ULK4: variants seen among roughly 807,000 people sequenced by gnomAD.
ULK4 encodes unc-51 like kinase 4.
A neutral mutation model predicts 160.6 loss-of-function variants in ULK4; 133 were observed. That is an observed-to-expected ratio of 0.83 (90% CI 0.72 to 0.96). The LOEUF is 0.96. Among genes scored for constraint, ULK4 ranks in the 40% least tolerant of loss-of-function variants. The pLI is 0.00. For synonymous variants in ULK4, 534 were observed against 539.8 expected (o/e 0.99, Z 0.15); for missense variants, 1,580 against 1,499.5 (o/e 1.05, Z -0.89).
At chr3:41,884,099 C>T (rs1697629068) in intron 16 of ULK4, 147 bp from the exon 17 acceptor site, 3 of 655,542 alleles carry the variant, frequency 4.6e-6, no homozygotes, top group South Asian at 3.8e-5. Context: ...CACACTCCCA[C>T]ATGTACACAG....
At position 41,632,092 on chromosome 3, in the gene ULK4, G is replaced by C. The variant is rs116793461; in HGVS notation, c.3072-16375C>G. Among the ~76,000 whole-genome samples, 1,434 of 152,194 alleles carry C rather than the reference G, an allele frequency of 9.4e-3. 21 individuals carry two copies. The highest frequency in any genetic ancestry group is 0.032 in the African/African-American group (1,337 of 41,520). ...GACATGATTCTGTATTCATCCCACAGCTTCCCAGTTTGAAACCACATGTAA... is the reference window on the plus strand; with the variant it reads ...GACATGATTCTGTATTCATCCCACACCTTCCCAGTTTGAAACCACATGTAA... On this transcript the variant is annotated intron_variant, in intron 30 of 36. Transcript: ENST00000301831.
At chr3:41,674,900 T>A (rs566461577) in intron 29 of ULK4, among the ~76,000 whole-genome samples, 230 of 152,280 alleles carry the variant, frequency 1.5e-3, no homozygotes, top group African/African-American at 5.4e-3. Flanking sequence ...AAAAGGTATG[T>A]CCAAGTCATA....
At chr3:41,722,853 C>T (rs1357109244) in intron 22 of ULK4, among the ~76,000 whole-genome samples, 1 of 152,170 alleles carries the variant, frequency 6.6e-6, no homozygotes, top group Non-Finnish European at 1.5e-5. Flanking sequence ...GGGGTGCTTT[C>T]AGCTTTTCTT....
At chr3:41,384,063 T>C (rs1202039645) in intron 35 of ULK4, among the ~76,000 whole-genome samples, 4 of 152,180 alleles carry the variant, frequency 2.6e-5, no homozygotes, top group Admixed American at 1.3e-4. Context: ...GCCTTAGTGA[T>C]TGCAAGGGTA....
intron 12 of ULK4, among the ~76,000 whole-genome samples, chr3:41,903,149 G>A (rs1698432019): frequency 1.3e-5 from 2 of 152,202 alleles, no homozygotes; most frequent in South Asian, 2.1e-4. Flanking sequence ...TAACACTGAG[G>A]AGGAACTGCT....
At chr3:41,249,302 G>A (rs538850591) in intron 36 of ULK4, among the ~76,000 whole-genome samples, 187 bp downstream of exon 36, 1 of 152,280 alleles carries the variant, frequency 6.6e-6, no homozygotes, top group South Asian at 2.1e-4. Context: ...CCATAACTGG[G>A]GATTCCCAGT....
chr3:41,445,712 CAA>C (rs1038698927), intron 34 of ULK4, among the ~76,000 whole-genome samples: 3 of 152,150 alleles, frequency 2.0e-5, no homozygotes, highest in African/African-American at 7.2e-5. Flanking sequence ...ACACCTTACA[CAA>C]AAATTAATTC....
intron 30 of ULK4, among the ~76,000 whole-genome samples, chr3:41,644,282 G>A (rs1452026301): frequency 1.3e-5 from 2 of 151,696 alleles, no homozygotes; most frequent in African/African-American, 2.4e-5. Context: ...GTTTTCAAAG[G>A]GAATGCTTCC....
chr3:41,314,395 T>C (rs906791505), intron 35 of ULK4, among the ~76,000 whole-genome samples: 18 of 152,148 alleles, frequency 1.2e-4, no homozygotes, highest in Admixed American at 2.6e-4. Flanking sequence ...CAATGTCTAT[T>C]ATTCCCCTCT....
At chr3:41,409,391 T>C (rs2082365187) in intron 34 of ULK4, among the ~76,000 whole-genome samples, 1 of 152,154 alleles carries the variant, frequency 6.6e-6, no homozygotes, top group Non-Finnish European at 1.5e-5. Flanking sequence ...AAACTAGACT[T>C]CATCAAAATC....
At chr3:41,390,241 G>A (rs560359058) in intron 35 of ULK4, among the ~76,000 whole-genome samples, 62 of 152,120 alleles carry the variant, frequency 4.1e-4, no homozygotes, top group African/African-American at 1.3e-3. Context: ...TTTTTATTGT[G>A]TCTATTTGAT....
intron 19 of ULK4, among the ~76,000 whole-genome samples, chr3:41,806,364 T>C (rs1455480412): frequency 3.9e-5 from 6 of 152,188 alleles, no homozygotes; most frequent in Admixed American, 2.0e-4. Context: ...GTCTATTTGA[T>C]TCTTCTCTCT....
chr3:41,647,452 G>T (rs1047278681), intron 30 of ULK4, among the ~76,000 whole-genome samples: 3 of 152,184 alleles, frequency 2.0e-5, no homozygotes, highest in African/African-American at 7.2e-5. Flanking sequence ...GTTTGCTAGA[G>T]GTCCACTCCA....
chr3:41,765,350 C>T (rs1257268456), intron 21 of ULK4, among the ~76,000 whole-genome samples: 4 of 152,094 alleles, frequency 2.6e-5, no homozygotes, highest in African/African-American at 7.2e-5. Flanking sequence ...TAGGTGGGAA[C>T]TGAACAATGA....
intron 35 of ULK4, among the ~76,000 whole-genome samples, chr3:41,290,352 T>G (rs1306507550): frequency 6.6e-6 from 1 of 152,198 alleles, no homozygotes; most frequent in Non-Finnish European, 1.5e-5. Context: ...CAGAAAGTAT[T>G]ATTATTACCT....
intron 35 of ULK4, among the ~76,000 whole-genome samples, chr3:41,387,173 G>A (rs2081834046): frequency 6.6e-6 from 1 of 152,050 alleles, no homozygotes; most frequent in South Asian, 2.1e-4. Flanking sequence ...ATGTATAGTG[G>A]TCAGATCAGG....
intron 31 of ULK4, among the ~76,000 whole-genome samples, chr3:41,615,049 T>C (rs993592588): frequency 2.0e-5 from 3 of 152,206 alleles, no homozygotes; most frequent in African/African-American, 7.2e-5. Flanking sequence ...GCCTAATTCA[T>C]AGATCTGTAT....
intron 22 of ULK4, among the ~76,000 whole-genome samples, chr3:41,736,463 T>C (rs2038053303): frequency 6.6e-6 from 1 of 152,040 alleles, no homozygotes; most frequent in African/African-American, 2.4e-5. Context: ...CATTTTTTCA[T>C]GTGTGTTTTG....
At chr3:41,911,275 A>G in intron 11 of ULK4, 42 bp downstream of exon 11, 1 of 1,586,882 alleles carries the variant, frequency 6.3e-7, no homozygotes, top group South Asian at 1.1e-5. Context: ...AGAAAATTTA[A>G]CTTTTGTCTT....
Sources: allele counts gnomAD v4.1 joint callset (sites outside exome capture counted in the v4.1 genomes callset), GRCh38; gene constraint gnomAD v4.1.1; transcripts MANE v1.5; gene names NCBI Gene and HGNC (gene_info 2026-07-23, HGNC 2026-07-21).